OTUD7B: variants seen among roughly 807,000 people sequenced by gnomAD.
OTUD7B encodes the protein OTU deubiquitinase 7B.
In OTUD7B, 34 loss-of-function variants were observed where a neutral mutation model predicts 82.2. That is an observed-to-expected ratio of 0.41 (90% confidence interval 0.31 to 0.55). OTUD7B has a LOEUF of 0.55. Ranked by LOEUF, OTUD7B falls within the 20% of genes least tolerant of loss-of-function variation. The pLI, the probability that OTUD7B is intolerant of heterozygous loss-of-function variation, is 0.20. For synonymous variants in OTUD7B, 398 were observed against 402.7 expected, an observed-to-expected ratio of 0.99 and a Z score of 0.14; for missense variants, 944 against 1,062.1, an observed-to-expected ratio of 0.89 and a Z score of 1.55.
chr1:150,051,229 C>CAAAAAAAA, the OTUD7B span, among the ~76,000 whole-genome samples: 1 of 97,000 alleles, frequency 1.0e-5, no homozygotes, highest in Admixed American at 1.3e-4. Flanking sequence ...GACTTCGCCT[C>CAAAAAAAA]AAAAAAAAAA....
chr1:150,022,971 A>G, the OTUD7B span, among the ~76,000 whole-genome samples: 45 of 152,352 alleles, frequency 3.0e-4, no homozygotes, highest in Admixed American at 2.5e-3. Context: ...GAGATTTATC[A>G]CAATTAAATG....
chr1:150,059,067 T>C, the OTUD7B span, among the ~76,000 whole-genome samples: 17 of 149,224 alleles, frequency 1.1e-4, no homozygotes, highest in Admixed American at 1.0e-3. Flanking sequence ...TTTTTTTTTT[T>C]TTTTGTGACG....
chr1:149,978,145 G>A (rs901264567), intron 1 of OTUD7B, among the ~76,000 whole-genome samples: 1 of 152,184 alleles, frequency 6.6e-6, no homozygotes, highest in Non-Finnish European at 1.5e-5. Flanking sequence ...CTATACACTG[G>A]ATAATTTCAG....
the OTUD7B span, among the ~76,000 whole-genome samples, chr1:150,029,529 A>G: frequency 2.6e-5 from 4 of 152,222 alleles, no homozygotes; most frequent in African/African-American, 9.6e-5. Context: ...CAATAGCTCA[A>G]GAATGAACTT....
intron 7 of OTUD7B, among the ~76,000 whole-genome samples, chr1:149,950,543 C>G (rs1231185450): frequency 6.6e-6 from 1 of 152,142 alleles, no homozygotes; most frequent in Non-Finnish European, 1.5e-5. Context: ...CATCCAGTAG[C>G]TCAATACACA....
chr1:150,011,536 G>A (rs1434726371), upstream of OTUD7B, among the ~76,000 whole-genome samples: 9 of 152,128 alleles, frequency 5.9e-5, no homozygotes, highest in African/African-American at 2.2e-4. Flanking sequence ...GTGACAATGA[G>A]CTATGGCTAT....
intron 3 of OTUD7B, among the ~76,000 whole-genome samples, chr1:149,967,946 G>A (rs928672203): frequency 1.3e-5 from 2 of 152,190 alleles, no homozygotes; most frequent in East Asian, 3.9e-4. Flanking sequence ...AGGGTCTTGG[G>A]AAATACCTTT....
chr1:150,025,928 T>A, the OTUD7B span, among the ~76,000 whole-genome samples: 2 of 152,212 alleles, frequency 1.3e-5, no homozygotes. Flanking sequence ...AGAGCTCTGA[T>A]AGTCTGTTTG....
intron 2 of OTUD7B, among the ~76,000 whole-genome samples, chr1:149,974,530 T>TC (rs1650156814): frequency 7.2e-4 from 1 of 1,392 alleles, no homozygotes; most frequent in African/African-American, 7.7e-4. Context: ...TTTATTTTTC[T>TC]TCTTTTTTTT....
At chr1:150,036,257 T>C in the OTUD7B span, among the ~76,000 whole-genome samples, 1 of 120,332 alleles carries the variant, frequency 8.3e-6, no homozygotes, top group Non-Finnish European at 1.7e-5. Flanking sequence ...CCCAGTTCAT[T>C]GTAACTTTTT....
At chr1:149,985,032 T>C (rs1344871616) in intron 1 of OTUD7B, among the ~76,000 whole-genome samples, 1 of 152,320 alleles carries the variant, frequency 6.6e-6, no homozygotes, top group Middle Eastern at 3.4e-3. Flanking sequence ...ATGAGCAATT[T>C]AAAATGCCAG....
chr1:150,010,929 G>A (rs1169873590), upstream of OTUD7B, among the ~76,000 whole-genome samples: 4 of 152,208 alleles, frequency 2.6e-5, no homozygotes, highest in African/African-American at 9.6e-5. Context: ...AAAGCTCCTG[G>A]TCTGGAGCAT....
intron 2 of OTUD7B, among the ~76,000 whole-genome samples, chr1:149,974,160 G>A (rs912185114): frequency 1.4e-4 from 22 of 152,070 alleles, no homozygotes; most frequent in Admixed American, 5.9e-4. Flanking sequence ...TGCCCTCCTG[G>A]GTTCAGGCGA....
At chr1:150,003,311 GC>G (rs1553785404) in intron 1 of OTUD7B, among the ~76,000 whole-genome samples, 4 of 151,336 alleles carry the variant, frequency 2.6e-5, no homozygotes, top group Admixed American at 2.6e-4. Flanking sequence ...TCTTCAGCCT[GC>G]CCTCCATCCC....
At chr1:150,054,109 G>A in the OTUD7B span, 3 of 384,616 alleles carry the variant, frequency 7.8e-6, no homozygotes, top group East Asian at 1.2e-4. Context: ...AGGTTGAAAA[G>A]CAAAAGGAGA....
At chr1:150,016,845 C>T in the OTUD7B span, among the ~76,000 whole-genome samples, 1 of 152,182 alleles carries the variant, frequency 6.6e-6, no homozygotes, top group Admixed American at 6.5e-5. Flanking sequence ...GGGAAATGTG[C>T]AGTCGGCTCT....
intron 1 of OTUD7B, among the ~76,000 whole-genome samples, chr1:150,003,993 T>C (rs782643984): frequency 1.3e-5 from 2 of 152,188 alleles, no homozygotes; most frequent in African/African-American, 4.8e-5. Flanking sequence ...AACTTCTTTA[T>C]TTCACTCAAT....
At chr1:150,054,351 T>C in the OTUD7B span, 1 of 528,364 alleles carries the variant, frequency 1.9e-6, no homozygotes, top group East Asian at 5.0e-5. Context: ...AGGGTGATTT[T>C]CCTGAAGCAG....
chr1:149,987,139 TA>T (rs1651209409), intron 1 of OTUD7B, among the ~76,000 whole-genome samples: 1 of 152,226 alleles, frequency 6.6e-6, no homozygotes, highest in Admixed American at 6.5e-5. Context: ...ATGAAGATAC[TA>T]AAGCTCACAG....
Sources: allele counts gnomAD v4.1 joint callset (sites outside exome capture counted in the v4.1 genomes callset), GRCh38; gene constraint gnomAD v4.1.1; transcripts MANE v1.5; gene names NCBI Gene and HGNC (gene_info 2026-07-23, HGNC 2026-07-21).